KIF26B: variants seen among roughly 807,000 people sequenced by gnomAD.
KIF26B encodes kinesin family member 26B.
KIF26B carries 63 observed loss-of-function variants against 151.2 expected under a neutral mutation model. That is an observed-to-expected ratio of 0.42 (90% CI 0.34 to 0.51). The LOEUF is 0.51. Ranked by LOEUF, KIF26B falls within the 20% of genes least tolerant of loss-of-function variation. The pLI is 0.07. For missense variants in KIF26B, 2,813 were observed against 2,913.6 expected, an observed-to-expected ratio of 0.97 and a Z score of 0.79; for synonymous variants, 1,357 against 1,262.1, an observed-to-expected ratio of 1.08 and a Z score of -1.59.
chr1:245,412,600 AC>A, intron 3 of KIF26B, among the ~76,000 whole-genome samples: 1 of 152,190 alleles, frequency 6.6e-6, no homozygotes, highest in South Asian at 2.1e-4. Flanking sequence ...TGTGGAAGCA[AC>A]CTTAGGAAGA....
At chr1:245,346,050 A>T (rs542177116) in intron 2 of KIF26B, among the ~76,000 whole-genome samples, 4 of 150,050 alleles carry the variant, frequency 2.7e-5, no homozygotes, top group African/African-American at 9.9e-5. Flanking sequence ...CTCCTGCCTC[A>T]GCCTCCCGAG....
rs534010961 is a variant in KIF26B at position 245,367,102 on chromosome 1, G to A, written c.734G>A (p.Trp245Ter). 2 of 1,596,752 alleles carry A rather than the reference G, an allele frequency of 1.3e-6. No homozygotes were observed. The highest frequency in any genetic ancestry group is 2.3e-5 in the East Asian group (1 of 43,782). Reference sequence around the variant, plus strand: ...GGTGGGCTCCAGCAGCCCAGAGACTGGGCCTTTGTGCCCGCCCCCTGTGCC... The same window carrying A: ...GGTGGGCTCCAGCAGCCCAGAGACTAGGCCTTTGTGCCCGCCCCCTGTGCC... The part of the protein sequence containing the change: ...HVGGLQQPRD[W>*]AFVPAPCATS... The change falls in exon 3 of 15, where the codon TGG becomes TAG. Residue 245 changes from tryptophan to a stop codon, truncating the protein, a stop_gained. Coordinates refer to ENST00000407071, the MANE Select transcript of KIF26B (RefSeq NM_018012.4). LOFTEE classifies it high-confidence loss of function. The surrounding 1 kb of genome is among the most constrained non-coding windows in gnomAD (Gnocchi z 4.2).
chr1:245,199,487 G>T (rs1300264371), intron 2 of KIF26B, among the ~76,000 whole-genome samples: 3 of 143,828 alleles, frequency 2.1e-5, no homozygotes, highest in Non-Finnish European at 3.1e-5. Flanking sequence ...CATATCTTTG[G>T]TTTTTTTTTT....
chr1:245,457,874 C>G (rs1310426811), intron 4 of KIF26B, among the ~76,000 whole-genome samples: 1 of 152,128 alleles, frequency 6.6e-6, no homozygotes, highest in Non-Finnish European at 1.5e-5. Flanking sequence ...ATCATGCTCC[C>G]TTTTGCACAC....
At chr1:245,274,679 G>A (rs1023433244) in intron 2 of KIF26B, among the ~76,000 whole-genome samples, 3 of 152,084 alleles carry the variant, frequency 2.0e-5, no homozygotes, top group East Asian at 1.9e-4. Context: ...GAACAGTGCC[G>A]CAATAAACAT....
chr1:245,410,866 A>G lies in KIF26B; in HGVS notation c.1000-8713A>G, dbSNP rs140706103. Among the ~76,000 whole-genome samples the G allele has an allele frequency of 7.2e-3, 1,100 of 152,280 alleles. 8 individuals carry two copies. Among genetic ancestry groups the G allele is most frequent in the Middle Eastern group, 0.014 (4 of 294 alleles). ...ACAACCATCACCACCATCTACCACC[A>G]AAAGAACTTTTTCATCTTCCCAAAC... is the stretch of plus-strand genomic sequence containing the variant. On this transcript the variant is annotated intron_variant, in intron 3 of 14. Coordinates refer to ENST00000407071, the MANE Select transcript of KIF26B (RefSeq NM_018012.4).
At position 245,156,255 on chromosome 1, in the gene KIF26B, C is replaced by T. The variant is rs1255252918; in HGVS notation, c.64-27C>T. On this transcript the variant is annotated intron_variant, in intron 1 of 14. Coordinates refer to ENST00000407071, the MANE Select transcript of KIF26B (RefSeq NM_018012.4). ...CGCTGCAGCCCGCCGCCTTGCAGCC[C>T]CTGACACCGGCGTGTCTTCCCCGCA... The T allele has an allele frequency of 3.2e-6, 5 of 1,541,492 alleles. No individual in the cohort carries two copies. In the African/African-American group the frequency reaches 6.9e-5, roughly 21 times the overall value.
At chr1:245,416,701 A>G (rs895195415) in intron 3 of KIF26B, among the ~76,000 whole-genome samples, 1 of 152,184 alleles carries the variant, frequency 6.6e-6, no homozygotes, top group Non-Finnish European at 1.5e-5. Flanking sequence ...AGCATTCCAT[A>G]TGGAGAGCAA....
intron 12 of KIF26B, 126 bp downstream of exon 12, chr1:245,688,933 G>A: frequency 7.9e-7 from 1 of 1,268,166 alleles, no homozygotes; most frequent in East Asian, 2.8e-5. Flanking sequence ...CCTTGCAGGT[G>A]GGCGAACTGC....
At chr1:245,527,355 G>A (rs952982980) in intron 4 of KIF26B, among the ~76,000 whole-genome samples, 3 of 151,996 alleles carry the variant, frequency 2.0e-5, no homozygotes, top group African/African-American at 7.3e-5. Context: ...ATTAGCCGGT[G>A]ATTGTCTTTC....
chr1:245,702,889 T>G lies in KIF26B; in HGVS notation c.*283T>G. 5.5e-6 allele frequency: 2 copies of G among 362,138 alleles called. No homozygotes were observed. 22.4% of individuals were successfully genotyped at this position (362,138 alleles called of 1,614,324 possible). A position where few individuals can be genotyped will look rare whatever the true frequency, so the allele number is the denominator to read the frequency against. On this transcript the variant is annotated 3_prime_UTR_variant, in exon 15 of 15. Coordinates refer to ENST00000407071, the MANE Select transcript of KIF26B (RefSeq NM_018012.4). The surrounding 1 kb of genome is among the most constrained non-coding windows in gnomAD (Gnocchi z 4.1). Reference sequence around the variant, plus strand: ...TTTGAGGAACCTTAAAGACCTTGTTTGTACATAAGAACTGCTAGCAAAAGA... The same window carrying G: ...TTTGAGGAACCTTAAAGACCTTGTTGGTACATAAGAACTGCTAGCAAAAGA...
rs531495169 is a variant in KIF26B at position 245,576,333 on chromosome 1, A to G, written c.1351-26244A>G. On this transcript the variant is annotated intron_variant, in intron 5 of 14. Transcript: ENST00000407071. ...GTTTGGGAGTTTTATTTTCCCTTTC[A>G]TAACACGTCTCCTGTCTCCTCAGCT... 7.2e-5 allele frequency among the ~76,000 whole-genome samples: 11 copies of G among 152,236 alleles called. No homozygotes were observed. In the East Asian group the frequency reaches 2.1e-3, roughly 29 times the overall value.
rs568163334 is a variant in KIF26B at position 245,474,819 on chromosome 1, C to A, written c.1166+55074C>A. On this transcript the variant is annotated intron_variant, in intron 4 of 14. Coordinates refer to ENST00000407071, the MANE Select transcript of KIF26B (RefSeq NM_018012.4). ...GCCCATCCCAGCCTCTGGTAACCAC[C>A]CATCTACTCTCTGTCTTCACCAACT... Among the ~76,000 whole-genome samples the A allele has an allele frequency of 2.4e-3, 362 of 151,942 alleles. 11 individuals are homozygous for A. The highest frequency in any genetic ancestry group is 0.019 in the South Asian group (92 of 4,774).
Position 245,703,876 on chromosome 1 carries a change from G to GTCTT in KIF26B, c.*1272_*1275dup, listed in dbSNP as rs1249187134. 3.3e-5 allele frequency: 5 copies of GTCTT among 152,214 alleles called. No homozygotes were observed. The highest frequency in any genetic ancestry group is 1.2e-4 in the African/African-American group (5 of 41,448). The allele number at this position is 152,214 out of a possible 1,614,324, so 9.4% of individuals were successfully genotyped here. On this transcript the variant is annotated 3_prime_UTR_variant, in exon 15 of 15. Coordinates refer to ENST00000407071, the MANE Select transcript of KIF26B (RefSeq NM_018012.4). ...AAGAAGGGACAGGCTTGTCCTCTCA[G>GTCTT]TCTTTGCTCCTGCCCAAAGGCAGAG... is the stretch of plus-strand genomic sequence containing the variant.
rs2103520241 is a variant in KIF26B, at chr1:245,167,035, C to G, written c.465+10352C>G. On this transcript the variant is annotated intron_variant, in intron 2 of 14. Transcript: ENST00000407071. This position sits in a 1 kb window ranked among gnomAD's most constrained non-coding sequence, Gnocchi z 4.2. ...TATAGACCAGGTTACAGCTGAGGGA[C>G]TATTTTGATTTTCCTTTTCTACTTA... 1.3e-5 allele frequency among the ~76,000 whole-genome samples: 2 copies of G among 152,274 alleles called. No individual in the cohort carries two copies. Among genetic ancestry groups the G allele is most frequent in the Non-Finnish European group, 2.9e-5 (2 of 68,022 alleles).
chr1:245,230,007 C>T (rs535711858), intron 2 of KIF26B, among the ~76,000 whole-genome samples: 1 of 152,116 alleles, frequency 6.6e-6, no homozygotes, highest in Non-Finnish European at 1.5e-5. Flanking sequence ...GCGGCACATG[C>T]CTGTAATCCC....
rs1672588135 is a variant in KIF26B at position 245,352,483 on chromosome 1, C to CA, written c.466-14348dup. ...TTCACAATGTTGGCCAGGTTGGTCTCAAACTCCTAACTGAAAGTAATCCAT... is the reference window on the plus strand; with the variant it reads ...TTCACAATGTTGGCCAGGTTGGTCTCAAAACTCCTAACTGAAAGTAATCCAT... On this transcript the variant is annotated intron_variant, in intron 2 of 14. Coordinates refer to ENST00000407071, the MANE Select transcript of KIF26B (RefSeq NM_018012.4). The surrounding 1 kb of genome is among the most constrained non-coding windows in gnomAD (Gnocchi z 5.0). Among the ~76,000 whole-genome samples, 3 of 152,164 alleles carry CA rather than the reference C, an allele frequency of 2.0e-5. No homozygotes were observed. The highest frequency in any genetic ancestry group is 2.0e-4 in the Admixed American group (3 of 15,278).
At chr1:245,583,403 T>C (rs1024088188) in intron 5 of KIF26B, among the ~76,000 whole-genome samples, 44 of 151,748 alleles carry the variant, frequency 2.9e-4, no homozygotes, top group African/African-American at 1.0e-3. Flanking sequence ...TTTGAAACCA[T>C]CTCCGGGGCC....
intron 2 of KIF26B, among the ~76,000 whole-genome samples, chr1:245,173,515 C>T (rs566298423): frequency 5.3e-5 from 8 of 152,238 alleles, no homozygotes; most frequent in South Asian, 4.2e-4. Flanking sequence ...CTCCCAAGCA[C>T]GTTACAAGCA....
Sources: allele counts gnomAD v4.1 joint callset (sites outside exome capture counted in the v4.1 genomes callset), GRCh38; gene constraint gnomAD v4.1.1; non-coding constraint Gnocchi (gnomAD v3.1); transcripts MANE v1.5; gene names NCBI Gene and HGNC (gene_info 2026-07-23, HGNC 2026-07-21).